LURAP1L: variants seen among roughly 807,000 people sequenced by gnomAD.
LURAP1L encodes leucine rich adaptor protein 1 like.
LURAP1L carries 12 observed loss-of-function variants against 13.8 expected under a neutral mutation model. The observed-to-expected ratio is 0.87, with a 90% CI of 0.56 to 1.41. The LOEUF is 1.41. Ranked by LOEUF, LURAP1L falls within the 40% of genes most tolerant of loss-of-function variation. The probability of loss-of-function intolerance (pLI) is 0.00; values close to 1 mark genes in which losing one functional copy is unlikely to be tolerated. For missense variants in LURAP1L, 375 were observed against 292.9 expected, an observed-to-expected ratio of 1.28 and a Z score of -2.04; for synonymous variants, 139 against 119.2, an observed-to-expected ratio of 1.17 and a Z score of -1.08.
chr9:12,807,834 A>C (rs1819680755), intron 1 of LURAP1L, among the ~76,000 whole-genome samples: 1 of 151,908 alleles, frequency 6.6e-6, no homozygotes, highest in South Asian at 2.1e-4. Flanking sequence ...ATATGATTCT[A>C]CTTTTTCTTC....
intron 1 of LURAP1L, among the ~76,000 whole-genome samples, chr9:12,780,340 C>T (rs1819252416): frequency 6.6e-6 from 1 of 151,876 alleles, no homozygotes; most frequent in South Asian, 2.1e-4. Context: ...GAATTGTGCT[C>T]ATGTAAACTG....
chr9:12,789,141 T>G (rs973302002), intron 1 of LURAP1L, among the ~76,000 whole-genome samples: 1 of 145,768 alleles, frequency 6.9e-6, no homozygotes, highest in African/African-American at 2.6e-5. Flanking sequence ...ATAGATACAA[T>G]AAAAATTAAA....
At chr9:12,777,379 G>A (rs1819202635) in intron 1 of LURAP1L, 1 of 985,190 alleles carries the variant, frequency 1.0e-6, no homozygotes, top group Non-Finnish European at 1.2e-6. Context: ...GAGACTAACA[G>A]GTAAAACTAT....
At chr9:12,804,093 C>A (rs548407483) in intron 1 of LURAP1L, among the ~76,000 whole-genome samples, 1 of 152,126 alleles carries the variant, frequency 6.6e-6, no homozygotes, top group Non-Finnish European at 1.5e-5. Flanking sequence ...TTAATAAATT[C>A]AGTGTATGAT....
rs67654649 is a variant in LURAP1L at position 12,786,547 on chromosome 9, CATATATATATATATAT to C, written c.312+10540_312+10555del. On this transcript the variant is annotated intron_variant, in intron 1 of 1. Coordinates refer to ENST00000319264, the MANE Select transcript of LURAP1L (RefSeq NM_203403.2). ...AAATGGCTAACATGTATATATATGA[CATATATATATATATAT>C]ATATATATATATATATATAAACCCT... 1.1e-3 allele frequency among the ~76,000 whole-genome samples: 58 copies of C among 53,032 alleles called. 2 individuals carry two copies. Among genetic ancestry groups the C allele is most frequent in the African/African-American group, 3.3e-3 (40 of 12,210 alleles). 34.8% of individuals were successfully genotyped at this position (53,032 alleles called of 152,430 possible).
chr9:12,821,245 A>G, intron 1 of LURAP1L, 141 bp from the exon 2 acceptor site: 1 of 1,003,650 alleles, frequency 1.0e-6, no homozygotes, highest in South Asian at 1.6e-5. Context: ...CAATTATCAA[A>G]AAGTTCCTGA....
intron 1 of LURAP1L, among the ~76,000 whole-genome samples, chr9:12,789,888 C>A (rs1399443636): frequency 2.6e-5 from 4 of 152,106 alleles, no homozygotes; most frequent in East Asian, 1.9e-4. Context: ...TATGCAGGAA[C>A]CATGGACAAG....
At chr9:12,800,497 T>C (rs755186737) in intron 1 of LURAP1L, among the ~76,000 whole-genome samples, 6 of 151,380 alleles carry the variant, frequency 4.0e-5, no homozygotes, top group African/African-American at 7.3e-5. Flanking sequence ...CTTCATTATA[T>C]CAGGAAGTTC....
Position 12,821,957 on chromosome 9 carries a change from T to C in LURAP1L, c.*197T>C, listed in dbSNP as rs1049405324. ...GATTTATTTTTCTCTGTTACATCTCTATTTTTTATTTATTACAATGATTTT... is the reference window on the plus strand; with the variant it reads ...GATTTATTTTTCTCTGTTACATCTCCATTTTTTATTTATTACAATGATTTT... On this transcript the variant is annotated 3_prime_UTR_variant, in exon 2 of 2. Transcript: ENST00000319264. 5.9e-6 allele frequency: 3 copies of C among 506,804 alleles called. No homozygotes were observed. The Admixed American group carries it at 1.1e-4, about 19-fold the overall frequency. The allele number at this position is 506,804 out of a possible 1,614,324, so 31.4% of individuals were successfully genotyped here.
At chr9:12,787,128 G>C (rs147438177) in intron 1 of LURAP1L, among the ~76,000 whole-genome samples, 1,665 of 152,136 alleles carry the variant, frequency 0.011, 32 homozygotes, top group African/African-American at 0.038. Context: ...GAGGATAAAA[G>C]TTCTTCACAT....
intron 1 of LURAP1L, among the ~76,000 whole-genome samples, chr9:12,788,164 A>AAAGAAAGAAAGAAAGAAAGG (rs1218271156): frequency 6.9e-6 from 1 of 145,936 alleles, no homozygotes; most frequent in Non-Finnish European, 1.5e-5. Flanking sequence ...AGAAAGAAAG[A>AAAGAAAGAAAGAAAGAAAGG]AAGAAAGAAA....
chr9:12,798,046 T>C (rs991193332), intron 1 of LURAP1L, among the ~76,000 whole-genome samples: 2 of 152,166 alleles, frequency 1.3e-5, no homozygotes, highest in Admixed American at 1.3e-4. Context: ...CAGTGTTTTA[T>C]GGGTATTGAA....
chr9:12,806,454 G>T (rs1819657382), intron 1 of LURAP1L, among the ~76,000 whole-genome samples: 1 of 151,604 alleles, frequency 6.6e-6, no homozygotes. Context: ...TCAATTTACA[G>T]CTTCATAATG....
At chr9:12,786,548 A>ATATT (rs1819354971) in intron 1 of LURAP1L, among the ~76,000 whole-genome samples, 2 of 12,464 alleles carry the variant, frequency 1.6e-4, no homozygotes, top group Non-Finnish European at 2.8e-4. Context: ...TATATATGAC[A>ATATT]TATATATATA....
At chr9:12,819,621 G>A (rs760911451) in intron 1 of LURAP1L, among the ~76,000 whole-genome samples, 1 of 152,046 alleles carries the variant, frequency 6.6e-6, no homozygotes, top group African/African-American at 2.4e-5. Flanking sequence ...CCAGACTTTT[G>A]GGTTAGTAAC....
chr9:12,818,568 G>A (rs1819833169), intron 1 of LURAP1L, among the ~76,000 whole-genome samples: 1 of 152,198 alleles, frequency 6.6e-6, no homozygotes, highest in Non-Finnish European at 1.5e-5. Flanking sequence ...ACAGTACAAA[G>A]TTAAGCTATG....
intron 1 of LURAP1L, among the ~76,000 whole-genome samples, chr9:12,816,869 T>G (rs1015554549): frequency 6.6e-6 from 1 of 152,160 alleles, no homozygotes; most frequent in Admixed American, 6.6e-5. Flanking sequence ...GACATCCACA[T>G]CTCTTTGGAC....
At chr9:12,784,308 T>C (rs979148767) in intron 1 of LURAP1L, among the ~76,000 whole-genome samples, 2 of 152,316 alleles carry the variant, frequency 1.3e-5, no homozygotes, top group Middle Eastern at 3.4e-3. Flanking sequence ...GTAGTCTTCA[T>C]AGTCTGGGCT....
intron 1 of LURAP1L, among the ~76,000 whole-genome samples, chr9:12,807,735 CTTTG>C (rs939309246): frequency 3.3e-5 from 5 of 151,440 alleles, no homozygotes; most frequent in South Asian, 2.1e-4. Flanking sequence ...TATTTCTTTC[CTTTG>C]TTTGCTCATT....
Sources: allele counts gnomAD v4.1 joint callset (sites outside exome capture counted in the v4.1 genomes callset), GRCh38; gene constraint gnomAD v4.1.1; transcripts MANE v1.5; gene names NCBI Gene and HGNC (gene_info 2026-07-23, HGNC 2026-07-21).